Variants in IL6R observed in about 807,000 individuals in gnomAD.
IL6R encodes interleukin 6 receptor.
In IL6R, 38 loss-of-function variants were observed where a neutral mutation model predicts 48.3. The observed-to-expected ratio is 0.79, with a 90% CI of 0.61 to 1.03. The LOEUF is 1.03. Ranked by LOEUF, IL6R falls within the 50% of genes least tolerant of loss-of-function variation. The pLI, the probability that IL6R is intolerant of heterozygous loss-of-function variation, is 0.00. For synonymous variants in IL6R, 264 were observed against 256.2 expected (o/e 1.03, Z -0.29); for missense variants, 534 against 618.3 (o/e 0.86, Z 1.45).
At position 154,469,096 on chromosome 1, in the gene IL6R, G is replaced by A. The variant is rs903586956; in HGVS notation, c.*3716G>A. 4 of 152,254 alleles carry A rather than the reference G, an allele frequency of 2.6e-5. No homozygotes were observed. Among genetic ancestry groups the A allele is most frequent in the Non-Finnish European group, 5.9e-5 (4 of 68,068 alleles). The allele number at this position is 152,254 out of a possible 1,614,324, so 9.4% of individuals were successfully genotyped here. A position where few individuals can be genotyped will look rare whatever the true frequency, so the allele number is the denominator to read the frequency against. On this transcript the variant is annotated 3_prime_UTR_variant, in exon 10 of 10. Transcript: ENST00000368485. ...CCAGGGAGTTTCTATGGCAACCTTA[G>A]TGATTATTAAGGAACACTGTCAGTT...
At chr1:154,449,758 A>G (rs900656474) in intron 7 of IL6R, among the ~76,000 whole-genome samples, 153 bp from the exon 8 acceptor site, 1 of 152,138 alleles carries the variant, frequency 6.6e-6, no homozygotes, top group Non-Finnish European at 1.5e-5. Context: ...AAATAATAGT[A>G]TTATTGATTT....
chr1:154,422,336 C>A (rs1335661885), intron 1 of IL6R, among the ~76,000 whole-genome samples: 2 of 152,198 alleles, frequency 1.3e-5, no homozygotes, highest in South Asian at 2.1e-4. Flanking sequence ...TTTATCAAGG[C>A]CCCAATAAAA....
chr1:154,405,554 C>T lies in IL6R; in HGVS notation c.-76C>T. 2 of 928,908 alleles carry T rather than the reference C, an allele frequency of 2.2e-6. No individual in the cohort carries two copies. Among genetic ancestry groups the T allele is most frequent in the South Asian group, 3.2e-5 (2 of 63,000 alleles). The allele number at this position is 928,908 out of a possible 1,614,324, so 57.5% of individuals were successfully genotyped here. Reference sequence around the variant, plus strand: ...GCCCGCCCACCGCCCCGCCCCGCCCCTGCCACCCCTGCCGCCCGGTTCCCA... The same window carrying T: ...GCCCGCCCACCGCCCCGCCCCGCCCTTGCCACCCCTGCCGCCCGGTTCCCA... On this transcript the variant is annotated 5_prime_UTR_variant, in exon 1 of 10. Transcript: ENST00000368485. The surrounding 1 kb of genome is among the most constrained non-coding windows in gnomAD (Gnocchi z 5.2).
intron 5 of IL6R, 147 bp downstream of exon 5, chr1:154,435,303 A>T (rs1465026440): frequency 4.5e-6 from 3 of 673,834 alleles, no homozygotes; most frequent in Non-Finnish European, 7.5e-6. Flanking sequence ...TGAGGTCAGG[A>T]GTTCGAGACC....
At chr1:154,449,132 T>A (rs1425774192) in intron 7 of IL6R, among the ~76,000 whole-genome samples, 3 of 146,570 alleles carry the variant, frequency 2.0e-5, no homozygotes, top group Non-Finnish European at 4.5e-5. Context: ...CCTGACCTCA[T>A]GATCCACCCG....
intron 1 of IL6R, chr1:154,414,310 C>T: frequency 1.2e-6 from 1 of 835,872 alleles, no homozygotes; most frequent in South Asian, 1.7e-5. Flanking sequence ...GGAAACCTTG[C>T]ACTGTAACTG....
chr1:154,407,613 C>T (rs1687801511), intron 1 of IL6R, among the ~76,000 whole-genome samples: 2 of 152,192 alleles, frequency 1.3e-5, no homozygotes, highest in South Asian at 4.1e-4. Flanking sequence ...GAGCAAATGA[C>T]TGTGAGATGT....
intron 1 of IL6R, among the ~76,000 whole-genome samples, chr1:154,411,637 G>A (rs551445716): frequency 2.0e-5 from 3 of 152,272 alleles, no homozygotes; most frequent in South Asian, 2.1e-4. Context: ...GGCAGTCCAG[G>A]CCTGTCTCCC....
At chr1:154,434,357 T>C (rs907888517) in intron 3 of IL6R, among the ~76,000 whole-genome samples, 162 bp from the exon 4 acceptor site, 1 of 152,014 alleles carries the variant, frequency 6.6e-6, no homozygotes, top group African/African-American at 2.4e-5. Flanking sequence ...GTAAGTAGTA[T>C]TAATATTCCT....
chr1:154,431,119 C>T (rs537403871), intron 3 of IL6R, among the ~76,000 whole-genome samples: 13 of 150,824 alleles, frequency 8.6e-5, no homozygotes, highest in South Asian at 4.2e-4. Context: ...AGAGAGAAAG[C>T]GGTGATGGGC....
intron 6 of IL6R, among the ~76,000 whole-genome samples, chr1:154,447,510 T>C (rs1367229979): frequency 3.4e-4 from 42 of 122,684 alleles, no homozygotes; most frequent in African/African-American, 1.5e-3. Context: ...CACATATATA[T>C]ATACACACAT....
chr1:154,456,364 C>T (rs1010260447), intron 9 of IL6R, among the ~76,000 whole-genome samples: 3 of 151,880 alleles, frequency 2.0e-5, no homozygotes, highest in African/African-American at 7.3e-5. Context: ...TGTCACTACG[C>T]CCGGCTAATT....
intron 1 of IL6R, among the ~76,000 whole-genome samples, chr1:154,420,648 G>A (rs541317043): frequency 1.3e-5 from 2 of 150,064 alleles, no homozygotes; most frequent in African/African-American, 5.0e-5. Flanking sequence ...CGATTCTCAT[G>A]CCTCAGCCTC....
At chr1:154,437,722 T>C (rs1428423114) in intron 6 of IL6R, among the ~76,000 whole-genome samples, 12 of 143,948 alleles carry the variant, frequency 8.3e-5, no homozygotes, top group Admixed American at 7.6e-4. Context: ...AAACTTTAAA[T>C]TTTTTTTTTT....
At chr1:154,412,802 C>T (rs971807551) in intron 1 of IL6R, among the ~76,000 whole-genome samples, 2 of 151,978 alleles carry the variant, frequency 1.3e-5, no homozygotes, top group Non-Finnish European at 2.9e-5. Context: ...AAAGTGAGGC[C>T]TAGAGAGGTT....
At chr1:154,464,590 AC>A (rs781340352) in intron 9 of IL6R, among the ~76,000 whole-genome samples, 1 of 152,202 alleles carries the variant, frequency 6.6e-6, no homozygotes, top group Non-Finnish European at 1.5e-5. Context: ...AATTGGACCA[AC>A]AATACACATC....
At chr1:154,458,357 T>C (rs1691042142) in intron 9 of IL6R, among the ~76,000 whole-genome samples, 1 of 152,166 alleles carries the variant, frequency 6.6e-6, no homozygotes, top group Non-Finnish European at 1.5e-5. Context: ...GGTAGCTCCT[T>C]GGAGGATGCA....
chr1:154,412,153 C>T (rs1229120980), intron 1 of IL6R, among the ~76,000 whole-genome samples: 6 of 151,130 alleles, frequency 4.0e-5, no homozygotes, highest in East Asian at 1.9e-4. Context: ...TTCACTGTGT[C>T]AGCCAGGAGA....
At chr1:154,456,503 G>A (rs113271530) in intron 9 of IL6R, among the ~76,000 whole-genome samples, 22 of 152,062 alleles carry the variant, frequency 1.4e-4, no homozygotes, top group Admixed American at 6.6e-5. Context: ...CACTGCACCC[G>A]GCCTCAAGAT....
Sources: allele counts gnomAD v4.1 joint callset (sites outside exome capture counted in the v4.1 genomes callset), GRCh38; gene constraint gnomAD v4.1.1; non-coding constraint Gnocchi (gnomAD v3.1); transcripts MANE v1.5; gene names NCBI Gene and HGNC (gene_info 2026-07-23, HGNC 2026-07-21).